The following TNIK variants were observed in gnomAD, a reference collection of about 807,000 sequenced individuals.
The protein encoded by TNIK is TRAF2 and NCK interacting kinase, also known as TRAF2 and NCK-interacting protein kinase.
TNIK carries 49 observed loss-of-function variants against 191.3 expected under a neutral mutation model. The ratio of observed to expected loss-of-function variants is 0.26; its 90% confidence interval spans 0.20 to 0.32. The LOEUF (loss-of-function observed/expected upper bound fraction) is 0.32, where lower values mean the gene tolerates loss of function less well. Among genes scored for constraint, TNIK ranks in the 10% least tolerant of loss-of-function variants. TNIK has a pLI of 1.00. For missense variants in TNIK, 1,155 were observed against 1,702.3 expected, an observed-to-expected ratio of 0.68 and a Z score of 5.66; for synonymous variants, 594 against 600.9, an observed-to-expected ratio of 0.99 and a Z score of 0.17.
chr3:171,399,932 A>C (rs1720710279), intron 1 of TNIK, among the ~76,000 whole-genome samples: 1 of 152,208 alleles, frequency 6.6e-6, no homozygotes, highest in Non-Finnish European at 1.5e-5. Context: ...AGAAAGGAGT[A>C]AAAAGTTATT....
chr3:171,421,598 C>A (rs1423233016), intron 1 of TNIK, among the ~76,000 whole-genome samples: 1 of 152,200 alleles, frequency 6.6e-6, no homozygotes, highest in East Asian at 1.9e-4. Context: ...TCATTCTCAC[C>A]TCCAGCTGTA....
rs540942138 is a variant in TNIK at position 171,290,897 on chromosome 3, A to G, written c.124-62676T>C. On this transcript the variant is annotated intron_variant, in intron 2 of 32. Coordinates refer to ENST00000436636, the MANE Select transcript of TNIK (RefSeq NM_015028.4). ...GCATAAATCAGATATGATGAATTCCATGACAAGCCCATAGCACCAAAATGA... is the reference window on the plus strand; with the variant it reads ...GCATAAATCAGATATGATGAATTCCGTGACAAGCCCATAGCACCAAAATGA... Among the ~76,000 whole-genome samples, 6 of 152,350 alleles carry G rather than the reference A, an allele frequency of 3.9e-5. No individual in the cohort carries two copies. The South Asian group carries it at 1.2e-3, about 32-fold the overall frequency.
intron 1 of TNIK, among the ~76,000 whole-genome samples, chr3:171,452,382 T>A (rs1000811931): frequency 2.0e-5 from 3 of 152,092 alleles, no homozygotes; most frequent in African/African-American, 7.2e-5. Flanking sequence ...CCTTACATAT[T>A]CCAGGAATAT....
chr3:171,353,807 C>T (rs1713591144), intron 2 of TNIK, among the ~76,000 whole-genome samples: 1 of 152,192 alleles, frequency 6.6e-6, no homozygotes, highest in African/African-American at 2.4e-5. Flanking sequence ...CAGCCTTCAT[C>T]CAAGCTGAGT....
chr3:171,121,755 A>T (rs1339752592), intron 18 of TNIK, among the ~76,000 whole-genome samples: 1 of 152,226 alleles, frequency 6.6e-6, no homozygotes, highest in Non-Finnish European at 1.5e-5. Context: ...GAAGCTTTTA[A>T]AAATGCAATC....
intron 18 of TNIK, among the ~76,000 whole-genome samples, chr3:171,116,356 A>G (rs1726694262): frequency 6.6e-6 from 1 of 152,238 alleles, no homozygotes; most frequent in African/African-American, 2.4e-5. Context: ...ACCTGAAAAC[A>G]TCCAAATGGA....
At chr3:171,459,696 A>ACACACACG (rs1553784784) in intron 1 of TNIK, among the ~76,000 whole-genome samples, 3 of 151,710 alleles carry the variant, frequency 2.0e-5, no homozygotes, top group Non-Finnish European at 4.4e-5. Flanking sequence ...ACACACACAC[A>ACACACACG]CACACACGCA....
intron 1 of TNIK, among the ~76,000 whole-genome samples, chr3:171,404,831 C>T (rs7621422): frequency 0.45 from 67,635 of 151,866 alleles, 15,622 homozygotes; most frequent in Non-Finnish European, 0.49. Context: ...GTCAGTCTGG[C>T]GGTTTCTCCA....
chr3:171,222,896 G>T (rs1742527092), intron 3 of TNIK, among the ~76,000 whole-genome samples: 1 of 152,038 alleles, frequency 6.6e-6, no homozygotes, highest in Non-Finnish European at 1.5e-5. Flanking sequence ...AAAGGAGCCA[G>T]GACTTACGGT....
intron 1 of TNIK, among the ~76,000 whole-genome samples, chr3:171,393,207 C>A (rs1276873611): frequency 6.6e-6 from 1 of 152,126 alleles, no homozygotes; most frequent in African/African-American, 2.4e-5. Context: ...GTAGAAGTGC[C>A]CCCAAATGGT....
At chr3:171,426,570 A>T (rs561458957) in intron 1 of TNIK, among the ~76,000 whole-genome samples, 24 of 151,322 alleles carry the variant, frequency 1.6e-4, no homozygotes, top group African/African-American at 2.7e-4. Flanking sequence ...TATATATATA[A>T]AATCATCTTG....
At chr3:171,273,311 C>A (rs898930936) in intron 2 of TNIK, among the ~76,000 whole-genome samples, 1 of 152,192 alleles carries the variant, frequency 6.6e-6, no homozygotes, top group Non-Finnish European at 1.5e-5. Context: ...GCCATGGAGG[C>A]CTTCCTGGTT....
chr3:171,369,603 A>T lies in TNIK; in HGVS notation c.123+17T>A, dbSNP rs1716209818. 6.4e-7 allele frequency: 1 copy of T among 1,562,978 alleles called. No homozygotes were observed. Among genetic ancestry groups the T allele is most frequent in the South Asian group, 1.2e-5 (1 of 84,406 alleles). On this transcript the variant is annotated intron_variant, in intron 2 of 32. Transcript: ENST00000436636. ...CTGAAACCGTACATAAGCCACTCTC[A>T]GACTCAATGTACTTACCTTATAAAC...
chr3:171,348,731 C>G (rs1005915356), intron 2 of TNIK, among the ~76,000 whole-genome samples: 9 of 152,064 alleles, frequency 5.9e-5, no homozygotes, highest in Non-Finnish European at 1.2e-4. Context: ...ACTACAGCAC[C>G]GGGTAGTGCT....
At chr3:171,147,207 G>T (rs980938715) in intron 12 of TNIK, among the ~76,000 whole-genome samples, 2 of 152,154 alleles carry the variant, frequency 1.3e-5, no homozygotes, top group Non-Finnish European at 2.9e-5. Context: ...CAGGAAAACG[G>T]CTGGTGCAAG....
At chr3:171,289,171 T>C (rs1469558907) in intron 2 of TNIK, among the ~76,000 whole-genome samples, 2 of 152,186 alleles carry the variant, frequency 1.3e-5, no homozygotes, top group Non-Finnish European at 2.9e-5. Flanking sequence ...AAATGGTGAA[T>C]GTCCCAAATT....
intron 9 of TNIK, 75 bp from the exon 10 acceptor site, chr3:171,167,345 C>T: frequency 6.5e-7 from 1 of 1,548,930 alleles, no homozygotes; most frequent in Non-Finnish European, 8.7e-7. Context: ...TTCTGAAATG[C>T]TGGGACTTTT....
At chr3:171,289,851 G>A (rs561205068) in intron 2 of TNIK, among the ~76,000 whole-genome samples, 9 of 145,234 alleles carry the variant, frequency 6.2e-5, no homozygotes, top group East Asian at 4.0e-4. Flanking sequence ...GCAGTGAGCC[G>A]ACATGGCGCC....
At chr3:171,220,863 G>T (rs1380900901) in intron 3 of TNIK, among the ~76,000 whole-genome samples, 2 of 152,108 alleles carry the variant, frequency 1.3e-5, no homozygotes, top group Non-Finnish European at 2.9e-5. Context: ...GTAGCCCCCA[G>T]GCCTATTTTT....
Sources: gnomAD v4.1 joint callset for allele counts (sites outside exome capture counted in the v4.1 genomes callset) on GRCh38, gnomAD v4.1.1 for gene constraint, MANE v1.5 for transcripts, NCBI Gene and HGNC (gene_info 2026-07-23, HGNC 2026-07-21) for gene names.